PIK3CB: variants seen among roughly 807,000 people sequenced by gnomAD.
PIK3CB encodes the protein phosphatidylinositol-4,5-bisphosphate 3-kinase catalytic subunit beta.
In PIK3CB, 39 loss-of-function variants were observed where a neutral mutation model predicts 136.8. That is an observed-to-expected ratio of 0.29 (90% CI 0.22 to 0.37). The LOEUF (loss-of-function observed/expected upper bound fraction) is 0.37, where lower values mean the gene tolerates loss of function less well. PIK3CB is among the 10% of genes least tolerant of loss of function. The pLI, the probability that PIK3CB is intolerant of heterozygous loss-of-function variation, is 1.00. For synonymous variants in PIK3CB, 428 were observed against 436.6 expected, an observed-to-expected ratio of 0.98 and a Z score of 0.25; for missense variants, 868 against 1,275.4, an observed-to-expected ratio of 0.68 and a Z score of 4.87.
intron 19 of PIK3CB, among the ~76,000 whole-genome samples, chr3:138,669,062 C>T (rs1234684732): frequency 6.6e-6 from 1 of 152,066 alleles, no homozygotes; most frequent in African/African-American, 2.4e-5. Flanking sequence ...CTTCTTCCTC[C>T]AACCCTCTGA....
chr3:138,670,536 C>G (rs1287949955), intron 19 of PIK3CB, among the ~76,000 whole-genome samples: 1 of 152,174 alleles, frequency 6.6e-6, no homozygotes, highest in Non-Finnish European at 1.5e-5. Flanking sequence ...ACTAAACACT[C>G]AACTCTGCAG....
intron 2 of PIK3CB, among the ~76,000 whole-genome samples, chr3:138,773,590 A>ATCCTTT (rs2045824977): frequency 6.6e-6 from 1 of 152,192 alleles, no homozygotes; most frequent in African/African-American, 2.4e-5. Context: ...TAAGTTACTT[A>ATCCTTT]ATACAGTCCT....
chr3:138,684,918 A>C, intron 16 of PIK3CB, 115 bp from the exon 17 acceptor site: 1 of 605,146 alleles, frequency 1.7e-6, no homozygotes, highest in Non-Finnish European at 2.7e-6. Flanking sequence ...CCATAAACAC[A>C]CATAACCAGC....
In PIK3CB at chr3:138,692,862, T is replaced by C. The variant is rs116744006; in HGVS notation, c.1893-1719A>G. Among the ~76,000 whole-genome samples the C allele has an allele frequency of 9.8e-4, 149 of 152,310 alleles. 1 individual carries two copies. The highest frequency in any genetic ancestry group is 3.3e-3 in the African/African-American group (138 of 41,572). ...ACAGTCATTTCTTCAGTGAATCTCA[T>C]AGATTCTCACAAATGCACCATCCAA... On this transcript the variant is annotated intron_variant, in intron 14 of 23. Transcript: ENST00000674063.
At chr3:138,727,943 C>T (rs1042538031) in intron 8 of PIK3CB, among the ~76,000 whole-genome samples, 3 of 152,016 alleles carry the variant, frequency 2.0e-5, no homozygotes, top group Admixed American at 1.3e-4. Flanking sequence ...CTGCAACCTC[C>T]GCCTCCCAGG....
chr3:138,820,419 C>T (rs1365854859), intron 1 of PIK3CB, among the ~76,000 whole-genome samples: 1 of 152,128 alleles, frequency 6.6e-6, no homozygotes, highest in African/African-American at 2.4e-5. Context: ...GTAACCACAC[C>T]TTTGTGGTTT....
At position 138,738,414 on chromosome 3, in the gene PIK3CB, G is replaced by T. The variant is rs186899506; in HGVS notation, c.622-528C>A. ...TCTCAAACTCCTGACCTTGTGATCC[G>T]CCTGCCTCAGCCTCCCAAAGTGCTG... On this transcript the variant is annotated intron_variant, in intron 5 of 23. Coordinates refer to ENST00000674063, the MANE Select transcript of PIK3CB (RefSeq NM_006219.3). 3.3e-3 allele frequency among the ~76,000 whole-genome samples: 502 copies of T among 152,072 alleles called. 6 individuals are homozygous for T. Among genetic ancestry groups the T allele is most frequent in the African/African-American group, 0.01 (427 of 41,502 alleles).
intron 3 of PIK3CB, among the ~76,000 whole-genome samples, chr3:138,758,107 A>G (rs1237558060): frequency 1.3e-5 from 2 of 152,252 alleles, no homozygotes; most frequent in African/African-American, 2.4e-5. Flanking sequence ...GATATATGCT[A>G]CAACATGGAT....
chr3:138,790,414 G>A (rs1361982515), intron 2 of PIK3CB, among the ~76,000 whole-genome samples: 2 of 150,622 alleles, frequency 1.3e-5, no homozygotes, highest in Non-Finnish European at 2.9e-5. Flanking sequence ...GGAGTTCGAG[G>A]CCAGCCTGAG....
intron 11 of PIK3CB, among the ~76,000 whole-genome samples, chr3:138,705,185 A>AAAAAAAAAAAAAAAAAAAAT (rs2044348170): frequency 1.2e-5 from 1 of 82,138 alleles, no homozygotes; most frequent in African/African-American, 6.4e-5. Context: ...AAAAAACAAA[A>AAAAAAAAAAAAAAAAAAAAT]CAAACAAAAA....
intron 1 of PIK3CB, among the ~76,000 whole-genome samples, chr3:138,831,986 T>C (rs1290696445): frequency 6.6e-6 from 1 of 152,194 alleles, no homozygotes; most frequent in Admixed American, 6.6e-5. Flanking sequence ...CAGCTGTTTT[T>C]ACCCAGGTTG....
chr3:138,821,340 C>T (rs1169750876), intron 1 of PIK3CB, among the ~76,000 whole-genome samples: 1 of 151,906 alleles, frequency 6.6e-6, no homozygotes, highest in Non-Finnish European at 1.5e-5. Context: ...CAGGGTGGCT[C>T]ATGCCTGTAA....
At chr3:138,783,166 C>T (rs537378585) in intron 2 of PIK3CB, among the ~76,000 whole-genome samples, 1 of 152,316 alleles carries the variant, frequency 6.6e-6, no homozygotes, top group African/African-American at 2.4e-5. Flanking sequence ...CAGAAATGAA[C>T]ATATCGACAG....
chr3:138,774,405 C>G (rs759530299), intron 2 of PIK3CB, among the ~76,000 whole-genome samples: 2 of 152,154 alleles, frequency 1.3e-5, no homozygotes, highest in African/African-American at 4.8e-5. Context: ...CACTTTTGCA[C>G]CTATCATTCA....
At chr3:138,667,391 C>T (rs552357306) in intron 19 of PIK3CB, among the ~76,000 whole-genome samples, 1 of 151,704 alleles carries the variant, frequency 6.6e-6, no homozygotes, top group Admixed American at 6.6e-5. Context: ...AGAAAGCTTC[C>T]GAAGGACTTT....
In PIK3CB at chr3:138,654,202, T is replaced by C. The variant is rs2043156151; in HGVS notation, c.*1187A>G. ...CCAATATTCTTTGGAGAATAAGCAG[T>C]AGTTTTGCTGGATGTTGCCAGGACT... On this transcript the variant is annotated 3_prime_UTR_variant, in exon 24 of 24. Transcript: ENST00000674063. The C allele has an allele frequency of 4.7e-6, 1 of 212,890 alleles. No individual in the cohort carries two copies. The highest frequency in any genetic ancestry group is 9.5e-6 in the Non-Finnish European group (1 of 105,356). The allele number at this position is 212,890 out of a possible 1,614,324, so 13.2% of individuals were successfully genotyped here.
chr3:138,814,007 A>G (rs1010218373), intron 1 of PIK3CB, among the ~76,000 whole-genome samples: 5 of 152,182 alleles, frequency 3.3e-5, no homozygotes, highest in African/African-American at 1.2e-4. Flanking sequence ...AGCTTTCTCA[A>G]TGTGGATACT....
rs569828439 is a variant in PIK3CB at position 138,698,948 on chromosome 3, G to A, written c.1729C>T (p.Leu577=). The change falls in exon 13 of 24, where the codon CTG becomes TTG. Residue 577 remains leucine (L), a synonymous_variant. Coordinates refer to ENST00000674063, the MANE Select transcript of PIK3CB (RefSeq NM_006219.3). ...AGTTTATTCCACTTGATTGACAGCA[G>A]TAATTTTGGCAGTGATTGTGGGAAA... ...EIFPQSLPKL[L]LSIKWNKLED... 3.8e-5 allele frequency: 61 copies of A among 1,601,868 alleles called. No homozygotes were observed. In the South Asian group the frequency reaches 4.5e-4, roughly 12 times the overall value.
At chr3:138,748,844 GAA>G (rs1291400427) in intron 4 of PIK3CB, among the ~76,000 whole-genome samples, 1 of 152,136 alleles carries the variant, frequency 6.6e-6, no homozygotes, top group Non-Finnish European at 1.5e-5. Flanking sequence ...GCACAGTGAG[GAA>G]AGTTACTTTT....
Sources: allele counts gnomAD v4.1 joint callset (sites outside exome capture counted in the v4.1 genomes callset), GRCh38; gene constraint gnomAD v4.1.1; transcripts MANE v1.5; gene names NCBI Gene and HGNC (gene_info 2026-07-23, HGNC 2026-07-21).